Variants in IQGAP1 observed in about 807,000 individuals in gnomAD.
IQGAP1 encodes the protein IQ motif containing GTPase activating protein 1, also known as ras GTPase-activating-like protein IQGAP1.
Under a neutral mutation model 215.6 loss-of-function variants are expected in IQGAP1, and 66 were observed. The ratio of observed to expected loss-of-function variants is 0.31; its 90% confidence interval spans 0.25 to 0.38. The LOEUF is 0.38. IQGAP1 is among the 10% of genes least tolerant of loss of function. The pLI, the probability that IQGAP1 is intolerant of heterozygous loss-of-function variation, is 1.00. For missense variants in IQGAP1, 1,712 were observed against 1,997.1 expected (o/e 0.86, Z 2.72); for synonymous variants, 772 against 728.7 (o/e 1.06, Z -0.96).
intron 3 of IQGAP1, among the ~76,000 whole-genome samples, chr15:90,429,026 T>A (rs1187182956): frequency 6.6e-6 from 1 of 152,116 alleles, no homozygotes; most frequent in East Asian, 1.9e-4. Flanking sequence ...CTAATTTTTG[T>A]ATTTTTAGTA....
At chr15:90,389,457 T>C (rs2151691968) in intron 1 of IQGAP1, among the ~76,000 whole-genome samples, 1 of 151,682 alleles carries the variant, frequency 6.6e-6, no homozygotes, top group South Asian at 2.1e-4. Context: ...GCGATTCTCC[T>C]GCAGTCTCCC....
intron 5 of IQGAP1, among the ~76,000 whole-genome samples, chr15:90,437,587 G>T (rs1056684371): frequency 1.3e-5 from 2 of 152,040 alleles, no homozygotes; most frequent in Non-Finnish European, 2.9e-5. Context: ...TTTTGCCTAG[G>T]CTGGAACGCA....
chr15:90,483,681 C>T, intron 29 of IQGAP1, 88 bp downstream of exon 29: 1 of 918,998 alleles, frequency 1.1e-6, no homozygotes. Flanking sequence ...CCACCTCTCA[C>T]TTTCCCCGGA....
intron 15 of IQGAP1, among the ~76,000 whole-genome samples, chr15:90,465,029 C>A (rs1406030539): frequency 1.3e-5 from 2 of 152,164 alleles, no homozygotes; most frequent in Admixed American, 6.5e-5. Context: ...CATCTCTATC[C>A]ACAATAGTCA....
chr15:90,485,959 G>A, intron 30 of IQGAP1, 71 bp from the exon 31 acceptor site: 4 of 1,149,094 alleles, frequency 3.5e-6, no homozygotes, highest in Middle Eastern at 4.1e-4. Context: ...GCAGATCATT[G>A]TTAGACATTC....
intron 35 of IQGAP1, 38 bp downstream of exon 35, chr15:90,492,749 T>C (rs1351784290): frequency 6.4e-7 from 1 of 1,555,858 alleles, no homozygotes; most frequent in East Asian, 2.3e-5. Flanking sequence ...AATGTCAGAA[T>C]TAGAGTGAGG....
intron 2 of IQGAP1, chr15:90,391,614 G>C (rs1262625025): frequency 6.6e-6 from 1 of 152,416 alleles, no homozygotes; most frequent in African/African-American, 2.4e-5. Context: ...GAAGCGTGGT[G>C]CTGTTGGTGT....
At chr15:90,496,157 A>G (rs1478843213) in intron 36 of IQGAP1, among the ~76,000 whole-genome samples, 4 of 151,878 alleles carry the variant, frequency 2.6e-5, no homozygotes, top group East Asian at 1.9e-4. Context: ...GTTTCAGTGC[A>G]TGGGTTTTTG....
chr15:90,422,620 A>ATGTATATATATATGTATATG (rs201615821), intron 2 of IQGAP1, among the ~76,000 whole-genome samples: 2 of 74,320 alleles, frequency 2.7e-5, no homozygotes, highest in East Asian at 1.3e-3. Flanking sequence ...ATATATATAT[A>ATGTATATATATATGTATATG]TATATGTATA....
intron 9 of IQGAP1, among the ~76,000 whole-genome samples, chr15:90,447,621 G>T (rs541862156): frequency 1.2e-4 from 18 of 151,996 alleles, no homozygotes; most frequent in Middle Eastern, 3.2e-3. Context: ...ATAAGGAAAC[G>T]GAAAGTAAAA....
intron 2 of IQGAP1, among the ~76,000 whole-genome samples, chr15:90,413,478 C>T (rs1964998119): frequency 6.6e-6 from 1 of 152,098 alleles, no homozygotes; most frequent in African/African-American, 2.4e-5. Context: ...GAACTTAAAG[C>T]AGGAGCTTAA....
At chr15:90,437,953 C>G (rs1324326621) in intron 5 of IQGAP1, among the ~76,000 whole-genome samples, 2 of 152,130 alleles carry the variant, frequency 1.3e-5, no homozygotes, top group Non-Finnish European at 2.9e-5. Flanking sequence ...CTTATACTTG[C>G]ACTTCTCTGA....
intron 2 of IQGAP1, among the ~76,000 whole-genome samples, chr15:90,406,273 C>G (rs987045188): frequency 6.6e-6 from 1 of 152,224 alleles, no homozygotes; most frequent in Non-Finnish European, 1.5e-5. Flanking sequence ...ACATTAACAT[C>G]ATTTCCTTTT....
chr15:90,408,728 CT>C (rs1964914837), intron 2 of IQGAP1, among the ~76,000 whole-genome samples: 1 of 152,150 alleles, frequency 6.6e-6, no homozygotes, highest in South Asian at 2.1e-4. Flanking sequence ...TCTCTCAAAA[CT>C]TCTTCACATT....
At position 90,390,845 on chromosome 15, in the gene IQGAP1, T is replaced by A; in HGVS notation, c.127T>A (p.Tyr43Asn). The A allele has an allele frequency of 6.2e-7, 1 of 1,611,520 alleles. No individual in the cohort carries two copies. The highest frequency in any genetic ancestry group is 1.1e-5 in the South Asian group (1 of 91,000). Residue 43 changes from tyrosine to asparagine, a missense_variant, in exon 2 of 38, where the codon TAC becomes AAC. By Grantham distance (143) the Tyr-to-Asn change is moderately radical. Around this residue, in one of 2 missense-constraint regions of IQGAP1, gnomAD observed 1,021 missense variants for 1,074.2 expected, o/e 0.95. Coordinates refer to ENST00000268182, the MANE Select transcript of IQGAP1 (RefSeq NM_003870.4). ...GAGACGTCAGAACGTGGCTTATGAG[T>A]ACCTTTGTCATTTGGAAGAAGCGAA... ...ERRRQNVAYEYLCHLEEAKRW... is the reference protein window; with the variant it reads ...ERRRQNVAYENLCHLEEAKRW...
chr15:90,422,822 A>C (rs958585616), intron 2 of IQGAP1, among the ~76,000 whole-genome samples: 7 of 151,618 alleles, frequency 4.6e-5, no homozygotes, highest in Non-Finnish European at 8.8e-5. Flanking sequence ...CAGCCTCTCA[A>C]GTAGCTAGGA....
chr15:90,454,672 A>G (rs1965654389), intron 14 of IQGAP1, 120 bp downstream of exon 14: 3 of 1,112,546 alleles, frequency 2.7e-6, no homozygotes, highest in South Asian at 1.8e-5. Flanking sequence ...AAATATCTAT[A>G]TAACACAAAA....
chr15:90,409,735 C>T (rs1401327077), intron 2 of IQGAP1, among the ~76,000 whole-genome samples: 1 of 152,164 alleles, frequency 6.6e-6, no homozygotes, highest in Non-Finnish European at 1.5e-5. Context: ...TCCTTTTCCC[C>T]ATTGAAATTT....
intron 2 of IQGAP1, chr15:90,393,589 C>G (rs1216668188): frequency 2.6e-5 from 4 of 152,222 alleles, no homozygotes; most frequent in Non-Finnish European, 5.9e-5. Context: ...CCACTCCTCC[C>G]CCTGTTGAGA....
Sources: allele counts gnomAD v4.1 joint callset (sites outside exome capture counted in the v4.1 genomes callset), GRCh38; gene constraint gnomAD v4.1.1; regional missense constraint gnomAD v4.1.1; transcripts MANE v1.5; gene names NCBI Gene and HGNC (gene_info 2026-07-23, HGNC 2026-07-21).